Variants in CDK18 observed in about 807,000 individuals in gnomAD.
CDK18 encodes the protein cyclin-dependent kinase 18.
CDK18 carries 52 observed loss-of-function variants against 62.0 expected under a neutral mutation model. The ratio of observed to expected loss-of-function variants is 0.84; its 90% confidence interval spans 0.67 to 1.06. CDK18 has a LOEUF of 1.06. Ranked by LOEUF, CDK18 falls within the 50% of genes least tolerant of loss-of-function variation. CDK18 has a pLI of 0.00. For missense variants in CDK18, 604 were observed against 619.9 expected (o/e 0.97, Z 0.27); for synonymous variants, 237 against 247.0 (o/e 0.96, Z 0.38).
rs1190920090 is a variant in CDK18, at chr1:205,517,363, C to T, written c.-21-5784C>T. On this transcript the variant is annotated intron_variant, in intron 1 of 15. Coordinates refer to ENST00000429964, the MANE Select transcript of CDK18 (RefSeq NM_212502.3). The surrounding 1 kb of genome is among the most constrained non-coding windows in gnomAD (Gnocchi z 4.1). Reference sequence around the variant, plus strand: ...CAAAAGCACCTTGCAATAAGGAAGTCTGCAGGGATGTTTGATGAAGTTTAT... The same window carrying T: ...CAAAAGCACCTTGCAATAAGGAAGTTTGCAGGGATGTTTGATGAAGTTTAT... Among the ~76,000 whole-genome samples, 3 of 152,204 alleles carry T rather than the reference C, an allele frequency of 2.0e-5. No individual in the cohort carries two copies. The highest frequency in any genetic ancestry group is 4.4e-5 in the Non-Finnish European group (3 of 68,048).
rs772026512 is a variant in CDK18, at chr1:205,524,193, A to G, written c.274-39A>G. Reference sequence around the variant, plus strand: ...GCCCCACAGCCCTAGCTACCCTGAAACCAACAGTGGTGTCCCCATCTCATC... The same window carrying G: ...GCCCCACAGCCCTAGCTACCCTGAAGCCAACAGTGGTGTCCCCATCTCATC... On this transcript the variant is annotated intron_variant, in intron 3 of 15. Coordinates refer to ENST00000429964, the MANE Select transcript of CDK18 (RefSeq NM_212502.3). 20 of 1,613,662 alleles carry G rather than the reference A, an allele frequency of 1.2e-5. 1 individual carries two copies. Among genetic ancestry groups the G allele is most frequent in the East Asian group, 6.7e-5 (3 of 44,866 alleles).
chr1:205,517,342 A>G lies in CDK18; in HGVS notation c.-21-5805A>G, dbSNP rs981605776. 1.2e-4 allele frequency among the ~76,000 whole-genome samples: 18 copies of G among 152,150 alleles called. No individual in the cohort carries two copies. The highest frequency in any genetic ancestry group is 6.5e-5 in the Admixed American group (1 of 15,282). On this transcript the variant is annotated intron_variant, in intron 1 of 15. Coordinates refer to ENST00000429964, the MANE Select transcript of CDK18 (RefSeq NM_212502.3). The surrounding 1 kb of genome is among the most constrained non-coding windows in gnomAD (Gnocchi z 4.1). ...GCCCTCTTCCATCCTGGGATCCAAAAGCACCTTGCAATAAGGAAGTCTGCA... is the reference window on the plus strand; with the variant it reads ...GCCCTCTTCCATCCTGGGATCCAAAGGCACCTTGCAATAAGGAAGTCTGCA...
intron 1 of CDK18, among the ~76,000 whole-genome samples, chr1:205,519,215 C>T (rs1667990049): frequency 6.6e-6 from 1 of 152,136 alleles, no homozygotes; most frequent in Non-Finnish European, 1.5e-5. Context: ...GTCTCCCTTC[C>T]CCCTCGACCC....
In CDK18 at chr1:205,523,184, T is replaced by C. The variant is rs1668222447; in HGVS notation, c.17T>C (p.Met6Thr). 3 of 1,612,606 alleles carry C rather than the reference T, an allele frequency of 1.9e-6. No homozygotes were observed. Among genetic ancestry groups the C allele is most frequent in the Non-Finnish European group, 2.5e-6 (3 of 1,179,062 alleles). The change falls in exon 2 of 16, where the codon ATG becomes ACG. Residue 6 changes from methionine (M) to threonine (T), a missense_variant. By Grantham distance (81) the Met-to-Thr change is moderately conservative. Transcript: ENST00000429964. ...CAGTCCCTCATGATCATGAACAAGA[T>C]GAAGAACTTTAAGCGCCGTTTCTCC... MIMNK[M>T]KNFKRRFSLS...
rs143357246 is a variant in CDK18 at position 205,531,807 on chromosome 1, G to GCCCC, written c.*430_*433dup. The GCCCC allele has an allele frequency of 0.025, 4,586 of 186,918 alleles. 108 individuals carry two copies. The highest frequency in any genetic ancestry group is 0.098 in the Middle Eastern group (39 of 398). 11.6% of individuals were successfully genotyped at this position (186,918 alleles called of 1,614,324 possible). A position where few individuals can be genotyped will look rare whatever the true frequency, so the allele number is the denominator to read the frequency against. ...GCCAGTTTGGTAGTCCCCCTTTCTG[G>GCCCC]CCCCTTGGAGCCCACACACGTTTCA... On this transcript the variant is annotated 3_prime_UTR_variant, in exon 16 of 16. Transcript: ENST00000429964.
At position 205,531,568 on chromosome 1, in the gene CDK18, C is replaced by A; in HGVS notation, c.*190C>A. 1.6e-6 allele frequency: 1 copy of A among 618,794 alleles called. No homozygotes were observed. Among genetic ancestry groups the A allele is most frequent in the East Asian group, 2.8e-5 (1 of 35,182 alleles). The allele number at this position is 618,794 out of a possible 1,614,324, so 38.3% of individuals were successfully genotyped here. On this transcript the variant is annotated 3_prime_UTR_variant, in exon 16 of 16. Transcript: ENST00000429964. ...CTTCCCGTGTGCCTCCCCAGTAGCC[C>A]TCACCTGCATACCAACCCCTCCTTT...
In CDK18 at chr1:205,531,353, A is replaced by G; in HGVS notation, c.1400A>G (p.Lys467Arg). Reference protein sequence around the residue: ...GLAFQQPGRGKNRRQSIF With the variant: ...GLAFQQPGRGRNRRQSIF ...CTTCTCCATTCTCCAGGACGAGGGA[A>G]GAACAGGCGGCAGAGCATCTTCTGA... Residue 467 changes from lysine (K) to arginine (R), a missense_variant, in exon 16 of 16, where the codon AAG becomes AGG. Coordinates refer to ENST00000429964, the MANE Select transcript of CDK18 (RefSeq NM_212502.3). 1 of 1,614,052 alleles carries G rather than the reference A, an allele frequency of 6.2e-7. No homozygotes were observed. The highest frequency in any genetic ancestry group is 8.5e-7 in the Non-Finnish European group (1 of 1,179,948).
At chr1:205,519,791 G>T (rs535121924) in intron 1 of CDK18, among the ~76,000 whole-genome samples, 1 of 152,084 alleles carries the variant, frequency 6.6e-6, no homozygotes, top group African/African-American at 2.4e-5. Flanking sequence ...TTGCAGAAAT[G>T]GGGGGCCTCC....
Position 205,527,590 on chromosome 1 carries a change from C to T in CDK18, c.730-204C>T, listed in dbSNP as rs556322177. The stretch of plus-strand genomic sequence containing the variant: ...TCGCTGGCCTCCCCCACACTCACTG[C>T]GTCCTCTGCACCCCTGCTGTCCTCC... On this transcript the variant is annotated intron_variant, in intron 8 of 15. Transcript: ENST00000429964. This position sits in a 1 kb window ranked among gnomAD's most constrained non-coding sequence, Gnocchi z 4.1. The T allele has an allele frequency of 1.9e-4, 107 of 577,092 alleles. No individual in the cohort carries two copies. Among genetic ancestry groups the T allele is most frequent in the South Asian group, 5.9e-4 (28 of 47,160 alleles). The allele number at this position is 577,092 out of a possible 1,614,324, so 35.7% of individuals were successfully genotyped here. A position where few individuals can be genotyped will look rare whatever the true frequency, so the allele number is the denominator to read the frequency against.
chr1:205,524,365 C>T lies in CDK18; in HGVS notation c.399+8C>T, dbSNP rs1180267692. 6.2e-7 allele frequency: 1 copy of T among 1,613,932 alleles called. No individual in the cohort carries two copies. Among genetic ancestry groups the T allele is most frequent in the Non-Finnish European group, 8.5e-7 (1 of 1,180,002 alleles). On this transcript the variant is annotated splice_region_variant and intron_variant, in intron 4 of 15. Transcript: ENST00000429964. ...TCCCGCCGGGCCTCCCTGGTGAGTC[C>T]CAAGAGGGTCAGAGGACACAAGGTG...
At position 205,527,613 on chromosome 1, in the gene CDK18, T is replaced by C; in HGVS notation, c.730-181T>C. 1 of 625,496 alleles carries C rather than the reference T, an allele frequency of 1.6e-6. No homozygotes were observed. The highest frequency in any genetic ancestry group is 2.8e-6 in the Non-Finnish European group (1 of 350,904). The allele number at this position is 625,496 out of a possible 1,614,324, so 38.7% of individuals were successfully genotyped here. A position where few individuals can be genotyped will look rare whatever the true frequency, so the allele number is the denominator to read the frequency against. ...TGCGTCCTCTGCACCCCTGCTGTCC[T>C]CCCCTCTGGATGGGATTCCCTGGTG... On this transcript the variant is annotated intron_variant, in intron 8 of 15. Transcript: ENST00000429964. The surrounding 1 kb of genome is among the most constrained non-coding windows in gnomAD (Gnocchi z 4.1).
In CDK18 at chr1:205,517,184, T is replaced by C. The variant is rs1667862363; in HGVS notation, c.-21-5963T>C. The C allele has an allele frequency of 6.6e-6, 1 of 152,570 alleles. No homozygotes were observed. The highest frequency in any genetic ancestry group is 2.4e-5 in the African/African-American group (1 of 41,456). The allele number at this position is 152,570 out of a possible 1,614,324, so 9.5% of individuals were successfully genotyped here. ...AGAGAAGATGGGGCTTGTCTGCCAG[T>C]AGCCGGGGTTCCCTGCCTTGCACGG... On this transcript the variant is annotated intron_variant, in intron 1 of 15. Transcript: ENST00000429964. The surrounding 1 kb of genome is among the most constrained non-coding windows in gnomAD (Gnocchi z 4.1).
chr1:205,522,423 C>T (rs1668179449), intron 1 of CDK18: 1 of 152,232 alleles, frequency 6.6e-6, no homozygotes, highest in Non-Finnish European at 1.5e-5. Flanking sequence ...CGTGTTTCCC[C>T]TGAGACCTTC....
intron 1 of CDK18, among the ~76,000 whole-genome samples, chr1:205,509,733 G>A (rs918341673): frequency 6.6e-6 from 1 of 152,034 alleles, no homozygotes; most frequent in African/African-American, 2.4e-5. Flanking sequence ...TGAAATCAGG[G>A]TCCCTGCAAA....
rs1199561758 is a variant in CDK18 at position 205,527,169 on chromosome 1, G to A, written c.729+332G>A. The A allele has an allele frequency of 8.6e-6, 3 of 347,708 alleles. No individual in the cohort carries two copies. The highest frequency in any genetic ancestry group is 1.1e-5 in the Non-Finnish European group (2 of 186,630). The allele number at this position is 347,708 out of a possible 1,614,324, so 21.5% of individuals were successfully genotyped here. ...TCTGGGGAAGCTCGGGGTTATGAAT[G>A]ACCTCTCCTGGTGTTTGTTAAAGAA... On this transcript the variant is annotated intron_variant, in intron 8 of 15. Transcript: ENST00000429964. This position sits in a 1 kb window ranked among gnomAD's most constrained non-coding sequence, Gnocchi z 4.1.
rs776804607 is a variant in CDK18 at position 205,526,433 on chromosome 1, G to A, written c.638G>A (p.Arg213Gln). ...CTGCATGACCTCATCCACACAGATC[G>A]GTCCCTCACCCTGGTGTTTGAGTAC... The part of the protein sequence containing the change: ...VTLHDLIHTD[R>Q]SLTLVFEYLD... Residue 213 changes from arginine to glutamine, a missense_variant, in exon 7 of 16, where the codon CGG (arginine) becomes CAG (glutamine). Physicochemically the swap from Arg to Gln is conservative, Grantham distance 43 (BLOSUM62 1). Transcript: ENST00000429964. 1.1e-5 allele frequency: 17 copies of A among 1,614,058 alleles called. No homozygotes were observed. The highest frequency in any genetic ancestry group is 1.7e-4 in the Middle Eastern group (1 of 6,060).
At chr1:205,514,567 C>T (rs1368956844) in intron 1 of CDK18, among the ~76,000 whole-genome samples, 1 of 152,206 alleles carries the variant, frequency 6.6e-6, no homozygotes, top group Non-Finnish European at 1.5e-5. Flanking sequence ...ACATTTATTG[C>T]ACGTGGCAGT....
intron 13 of CDK18, chr1:205,529,778 G>T: frequency 6.7e-7 from 1 of 1,499,856 alleles, no homozygotes; most frequent in Admixed American, 2.0e-5. Flanking sequence ...ACTTAGCTGT[G>T]TAGCTCTGGG....
intron 15 of CDK18, among the ~76,000 whole-genome samples, chr1:205,530,953 G>A (rs1668708976): frequency 6.6e-6 from 1 of 152,362 alleles, no homozygotes; most frequent in Non-Finnish European, 1.5e-5. Context: ...TGTCTCTGGT[G>A]CATTCTCTCT....
Sources: gnomAD v4.1 joint callset for allele counts (sites outside exome capture counted in the v4.1 genomes callset) on GRCh38, gnomAD v4.1.1 for gene constraint, Gnocchi (gnomAD v3.1) non-coding constraint, MANE v1.5 for transcripts, NCBI Gene and HGNC (gene_info 2026-07-23, HGNC 2026-07-21) for gene names.